CACNG2: variants seen among roughly 807,000 people sequenced by gnomAD.
CACNG2 encodes the protein calcium voltage-gated channel auxiliary subunit gamma 2.
CACNG2 carries 3 observed loss-of-function variants against 25.9 expected under a neutral mutation model. That is an observed-to-expected ratio of 0.12 (90% CI 0.05 to 0.30). The LOEUF is 0.30. Ranked by LOEUF, CACNG2 falls within the 10% of genes least tolerant of loss-of-function variation. The probability of loss-of-function intolerance (pLI) is 1.00; values close to 1 mark genes in which losing one functional copy is unlikely to be tolerated. For synonymous variants in CACNG2, 167 were observed against 173.3 expected, an observed-to-expected ratio of 0.96 and a Z score of 0.29; for missense variants, 341 against 432.5, an observed-to-expected ratio of 0.79 and a Z score of 1.88.
At chr22:36,592,912 G>T (rs1935618521) in intron 1 of CACNG2, among the ~76,000 whole-genome samples, 1 of 152,218 alleles carries the variant, frequency 6.6e-6, no homozygotes, top group Admixed American at 6.5e-5. Context: ...GAGGGGTAGA[G>T]GCTCTCATCG....
At chr22:36,571,818 A>G (rs1935231225) in intron 2 of CACNG2, among the ~76,000 whole-genome samples, 1 of 151,462 alleles carries the variant, frequency 6.6e-6, no homozygotes, top group Non-Finnish European at 1.5e-5. Flanking sequence ...CAGAGGTTGC[A>G]GTGAGCCAGG....
intron 1 of CACNG2, among the ~76,000 whole-genome samples, chr22:36,677,732 T>C (rs1937037774): frequency 6.6e-6 from 1 of 151,924 alleles, no homozygotes; most frequent in Admixed American, 6.6e-5. Flanking sequence ...TGGCATGTGT[T>C]GAGCCTGTGG....
intron 1 of CACNG2, among the ~76,000 whole-genome samples, chr22:36,658,721 G>A (rs1232844689): frequency 6.6e-6 from 1 of 152,156 alleles, no homozygotes. Context: ...TTCAATCTGT[G>A]GGCATGATGA....
In CACNG2 at chr22:36,567,380, A is replaced by G. The variant is rs1935143338; in HGVS notation, c.296-887T>C. On this transcript the variant is annotated intron_variant, in intron 2 of 3. Transcript: ENST00000300105. The stretch of plus-strand genomic sequence containing the variant: ...TTGTCTTTATCCTCTCTGTTCAACG[A>G]CACAGTAGTCTGCCAATAGAAGCTC... Among the ~76,000 whole-genome samples, 4 of 152,232 alleles carry G rather than the reference A, an allele frequency of 2.6e-5. No homozygotes were observed. In the South Asian group the frequency reaches 8.3e-4, roughly 32 times the overall value.
At chr22:36,582,181 A>G (rs1258854884) in intron 2 of CACNG2, among the ~76,000 whole-genome samples, 2 of 152,164 alleles carry the variant, frequency 1.3e-5, no homozygotes, top group African/African-American at 4.8e-5. Context: ...CCTTATGAAC[A>G]CAACAGCCAG....
intron 1 of CACNG2, among the ~76,000 whole-genome samples, chr22:36,602,993 A>G (rs1383367374): frequency 6.6e-6 from 1 of 152,254 alleles, no homozygotes; most frequent in African/African-American, 2.4e-5. Flanking sequence ...ATCAAAAGCT[A>G]GAAACAATTA....
intron 1 of CACNG2, among the ~76,000 whole-genome samples, chr22:36,648,805 C>G (rs1042043487): frequency 6.6e-6 from 1 of 152,094 alleles, no homozygotes; most frequent in Non-Finnish European, 1.5e-5. Flanking sequence ...CGATCATATC[C>G]CATCCATCAG....
chr22:36,581,984 C>T (rs1328695500), intron 2 of CACNG2, among the ~76,000 whole-genome samples: 2 of 152,222 alleles, frequency 1.3e-5, no homozygotes, highest in Non-Finnish European at 2.9e-5. Context: ...CTTCCTTTGT[C>T]TCGAAATCCA....
At chr22:36,629,263 G>A (rs969047714) in intron 1 of CACNG2, among the ~76,000 whole-genome samples, 6 of 152,050 alleles carry the variant, frequency 3.9e-5, no homozygotes, top group East Asian at 1.9e-4. Context: ...TCCTTCATTC[G>A]TTCATTCACC....
chr22:36,643,122 TTTTCTC>T (rs1936465710), intron 1 of CACNG2, among the ~76,000 whole-genome samples: 1 of 150,930 alleles, frequency 6.6e-6, no homozygotes, highest in East Asian at 2.0e-4. Flanking sequence ...TTCCTTCTCT[TTTTCTC>T]TTTCTCTCTC....
intron 1 of CACNG2, among the ~76,000 whole-genome samples, chr22:36,642,937 C>G (rs572534873): frequency 1.3e-5 from 2 of 152,258 alleles, no homozygotes; most frequent in African/African-American, 4.8e-5. Context: ...TCAAAGCAAG[C>G]CATGAAACAG....
chr22:36,676,431 CG>C (rs940448640), intron 1 of CACNG2, among the ~76,000 whole-genome samples: 15 of 152,078 alleles, frequency 9.9e-5, no homozygotes, highest in Non-Finnish European at 2.2e-4. Flanking sequence ...GCACATAGCC[CG>C]GTACAGGATC....
intron 1 of CACNG2, among the ~76,000 whole-genome samples, chr22:36,672,307 C>T (rs937698564): frequency 6.6e-6 from 1 of 152,180 alleles, no homozygotes; most frequent in African/African-American, 2.4e-5. Context: ...CAGGTGCACA[C>T]CATACCACCT....
chr22:36,669,550 C>T (rs560323297), intron 1 of CACNG2, among the ~76,000 whole-genome samples: 57 of 147,590 alleles, frequency 3.9e-4, no homozygotes, highest in African/African-American at 1.3e-3. Flanking sequence ...CTTCTCTGAA[C>T]TCCTGATGCA....
intron 1 of CACNG2, among the ~76,000 whole-genome samples, chr22:36,618,345 C>T (rs1334761407): frequency 4.6e-5 from 7 of 152,286 alleles, no homozygotes; most frequent in Middle Eastern, 6.8e-3. Context: ...CAGAGGCTGC[C>T]CCAGTCTGCT....
At chr22:36,697,821 G>A (rs563319400) in intron 1 of CACNG2, among the ~76,000 whole-genome samples, 47 of 152,328 alleles carry the variant, frequency 3.1e-4, no homozygotes, top group African/African-American at 1.1e-3. Context: ...CCTGCTCTCT[G>A]CTCAGAGGTG....
At chr22:36,591,605 C>T (rs531034432) in intron 1 of CACNG2, among the ~76,000 whole-genome samples, 14 of 151,986 alleles carry the variant, frequency 9.2e-5, no homozygotes, top group African/African-American at 2.7e-4. Context: ...CCCAGGTGTT[C>T]GAGGCTGCAG....
At chr22:36,602,488 C>T (rs527508726) in intron 1 of CACNG2, among the ~76,000 whole-genome samples, 31 of 152,160 alleles carry the variant, frequency 2.0e-4, no homozygotes, top group Non-Finnish European at 4.0e-4. Flanking sequence ...TAGGTTCAAG[C>T]GATTCTCTTG....
intron 2 of CACNG2, among the ~76,000 whole-genome samples, chr22:36,579,947 G>A (rs1011881769): frequency 2.0e-5 from 3 of 152,174 alleles, no homozygotes; most frequent in East Asian, 3.8e-4. Context: ...TGTTCTTTGC[G>A]CTCATCGCTA....
Sources: gnomAD v4.1 joint callset for allele counts (sites outside exome capture counted in the v4.1 genomes callset) on GRCh38, gnomAD v4.1.1 for gene constraint, MANE v1.5 for transcripts, NCBI Gene and HGNC (gene_info 2026-07-23, HGNC 2026-07-21) for gene names.